The following ABCA12 variants were observed in gnomAD, a reference collection of about 807,000 sequenced individuals.
ABCA12 encodes the protein ATP binding cassette subfamily A member 12, also known as glucosylceramide transporter ABCA12.
ABCA12 carries 156 observed loss-of-function variants against 293.5 expected under a neutral mutation model. That is an observed-to-expected ratio of 0.53 (90% CI 0.47 to 0.61). The LOEUF is 0.61. Ranked by LOEUF, ABCA12 falls within the 20% of genes least tolerant of loss-of-function variation. ABCA12 has a pLI of 0.00. For synonymous variants in ABCA12, 1,063 were observed against 1,108.0 expected, an observed-to-expected ratio of 0.96 and a Z score of 0.81; for missense variants, 2,797 against 3,090.2, an observed-to-expected ratio of 0.91 and a Z score of 2.25.
chr2:214,947,897 C>G (rs1019353833), intron 47 of ABCA12: 1 of 329,740 alleles, frequency 3.0e-6, no homozygotes, highest in East Asian at 7.5e-5. Context: ...ATTCACAAGA[C>G]AGGATTCTCA....
chr2:215,077,584 C>T (rs1417882214), intron 2 of ABCA12, among the ~76,000 whole-genome samples: 1 of 152,184 alleles, frequency 6.6e-6, no homozygotes, highest in Non-Finnish European at 1.5e-5. Context: ...CCTCTATCTA[C>T]TCTCCACTGA....
chr2:215,121,964 T>G (rs1245450306), intron 1 of ABCA12, among the ~76,000 whole-genome samples: 1 of 152,188 alleles, frequency 6.6e-6, no homozygotes, highest in African/African-American at 2.4e-5. Flanking sequence ...ATGTCTTTAT[T>G]AGCAGCATGA....
rs1338284064 is a variant in ABCA12 at position 214,980,565 on chromosome 2, C to T, written c.4658G>A (p.Gly1553Asp). 11 of 1,613,960 alleles carry T rather than the reference C, an allele frequency of 6.8e-6. No homozygotes were observed. The highest frequency in any genetic ancestry group is 8.5e-6 in the Non-Finnish European group (10 of 1,180,006). ...LSDRIAFLEQ[G>D]GLRCCGSPFY... ...TGGGGACCCACAGCACCTAAGCCCA[C>T]CCTGCTCCAGGAAGGCGATGCGGTC... The change falls in exon 31 of 53, where the codon GGT (glycine) becomes GAT (aspartate). Residue 1553 changes from glycine (G) to aspartate (D), a missense_variant. Around this residue, in one of 3 missense-constraint regions of ABCA12, gnomAD observed 2,130 missense variants for 2,427.0 expected, o/e 0.88. Coordinates refer to ENST00000272895, the MANE Select transcript of ABCA12 (RefSeq NM_173076.3).
chr2:214,990,018 T>C (rs1035140182), intron 24 of ABCA12, among the ~76,000 whole-genome samples: 2 of 152,212 alleles, frequency 1.3e-5, no homozygotes, highest in South Asian at 2.1e-4. Context: ...AGAAGTACTA[T>C]GAATAAAAAT....
At chr2:215,052,988 C>G (rs974012946) in intron 4 of ABCA12, among the ~76,000 whole-genome samples, 1 of 152,114 alleles carries the variant, frequency 6.6e-6, no homozygotes, top group Non-Finnish European at 1.5e-5. Context: ...CAATGCACAT[C>G]TGGTGATAAT....
intron 31 of ABCA12, 151 bp from the exon 32 acceptor site, chr2:214,979,191 C>A: frequency 1.4e-6 from 1 of 719,728 alleles, no homozygotes. Context: ...CCCTTTGCCA[C>A]TTGGGTCCCT....
chr2:215,136,458 G>GT lies in ABCA12; in HGVS notation c.69+1681dup, dbSNP rs201087158. ...AAACATCTTCACCTGAGATTTGGGT[G>GT]TTTTTTTTTCCTATAACTTTTTTTA... On this transcript the variant is annotated intron_variant, in intron 1 of 52. Transcript: ENST00000272895. 8.4e-3 allele frequency among the ~76,000 whole-genome samples: 1,273 copies of GT among 150,986 alleles called. 14 individuals are homozygous for GT. Among genetic ancestry groups the GT allele is most frequent in the African/African-American group, 0.025 (1,030 of 41,138 alleles).
chr2:214,959,709 G>T (rs991076261), intron 39 of ABCA12, among the ~76,000 whole-genome samples: 4 of 152,138 alleles, frequency 2.6e-5, no homozygotes, highest in African/African-American at 9.7e-5. Context: ...ATATTAGCTG[G>T]CTTCAGAAAA....
intron 11 of ABCA12, among the ~76,000 whole-genome samples, chr2:215,020,335 T>C (rs1700601608): frequency 6.7e-6 from 1 of 150,078 alleles, no homozygotes; most frequent in South Asian, 2.1e-4. Context: ...TTATTAAACC[T>C]TAAAAAGGAA....
At chr2:214,958,132 G>A in intron 41 of ABCA12, 145 bp downstream of exon 41, 2 of 1,097,724 alleles carry the variant, frequency 1.8e-6, no homozygotes, top group South Asian at 2.9e-5. Flanking sequence ...ATGAAGATAA[G>A]CCTGACTCAA....
intron 51 of ABCA12, 44 bp from the exon 52 acceptor site, chr2:214,934,259 AATGTTGACAT>A (rs1370557505): frequency 2.5e-6 from 4 of 1,608,892 alleles, no homozygotes; most frequent in Non-Finnish European, 3.4e-6. Flanking sequence ...AATGTCTGGT[AATGTTGACAT>A]GACTAGACAT....
intron 45 of ABCA12, among the ~76,000 whole-genome samples, chr2:214,950,279 C>G (rs1698713938): frequency 1.3e-5 from 2 of 151,328 alleles, no homozygotes; most frequent in South Asian, 2.1e-4. Context: ...CCTTGGGGGT[C>G]CTGGAACCAA....
chr2:214,989,004 C>A (rs1359414941), intron 26 of ABCA12, among the ~76,000 whole-genome samples: 1 of 150,280 alleles, frequency 6.7e-6, no homozygotes, highest in Admixed American at 6.6e-5. Context: ...CATGGTGAAA[C>A]CCCGGCTCTA....
At chr2:214,955,909 G>A (rs367690645) in intron 42 of ABCA12, among the ~76,000 whole-genome samples, 4 of 152,120 alleles carry the variant, frequency 2.6e-5, no homozygotes, top group Non-Finnish European at 2.9e-5. Context: ...GTATTATCCC[G>A]CCTAGGCAAG....
chr2:215,071,139 G>C (rs956002750), intron 2 of ABCA12, among the ~76,000 whole-genome samples: 1 of 151,512 alleles, frequency 6.6e-6, no homozygotes, highest in African/African-American at 2.4e-5. Context: ...CAAGGCTGCA[G>C]TGAGCCATGA....
rs574099877 is a variant in ABCA12 at position 214,967,920 on chromosome 2, A to G, written c.5778+800T>C. 2.6e-5 allele frequency among the ~76,000 whole-genome samples: 4 copies of G among 152,272 alleles called. No individual in the cohort carries two copies. The South Asian group carries it at 8.3e-4, about 32-fold the overall frequency. The stretch of plus-strand genomic sequence containing the variant: ...TCCCTATGACTACCATTGATCACAT[A>G]CGTAAGAATATGCATCTGATCCCGT... On this transcript the variant is annotated intron_variant, in intron 38 of 52. Transcript: ENST00000272895.
intron 42 of ABCA12, among the ~76,000 whole-genome samples, chr2:214,956,416 G>A (rs566038111): frequency 3.3e-5 from 5 of 152,128 alleles, no homozygotes; most frequent in African/African-American, 1.2e-4. Context: ...AAATTAGAAA[G>A]CATGACACTT....
At chr2:215,064,356 C>A in intron 2 of ABCA12, 137 bp from the exon 3 acceptor site, 1 of 825,028 alleles carries the variant, frequency 1.2e-6, no homozygotes, top group East Asian at 2.7e-5. Context: ...CCCAACTCTG[C>A]AACTAACACT....
chr2:214,983,995 A>C (rs1169127128), intron 28 of ABCA12, 130 bp from the exon 29 acceptor site: 2 of 713,384 alleles, frequency 2.8e-6, no homozygotes, highest in Non-Finnish European at 4.7e-6. Context: ...ACTATGAAAT[A>C]AAATGGTATT....
Sources: allele counts gnomAD v4.1 joint callset (sites outside exome capture counted in the v4.1 genomes callset), GRCh38; gene constraint gnomAD v4.1.1; regional missense constraint gnomAD v4.1.1; transcripts MANE v1.5; gene names NCBI Gene and HGNC (gene_info 2026-07-23, HGNC 2026-07-21).